MAGI2: variants seen among roughly 807,000 people sequenced by gnomAD.
The protein encoded by MAGI2 is membrane-associated guanylate kinase, WW and PDZ domain-containing protein 2.
In MAGI2, 35 loss-of-function variants were observed where a neutral mutation model predicts 133.3. That is an observed-to-expected ratio of 0.26 (90% CI 0.20 to 0.35). MAGI2 has a LOEUF of 0.35. Among genes scored for constraint, MAGI2 ranks in the 10% least tolerant of loss-of-function variants. The pLI is 1.00. For synonymous variants in MAGI2, 729 were observed against 710.6 expected (o/e 1.03, Z -0.41); for missense variants, 1,636 against 1,863.4 (o/e 0.88, Z 2.25).
intron 21 of MAGI2, among the ~76,000 whole-genome samples, chr7:78,056,871 C>G (rs1474158980): frequency 6.6e-6 from 1 of 152,074 alleles, no homozygotes; most frequent in Non-Finnish European, 1.5e-5. Flanking sequence ...CACACACTGA[C>G]ACACACACAT....
intron 1 of MAGI2, among the ~76,000 whole-genome samples, chr7:79,142,726 C>T (rs1459031469): frequency 2.0e-5 from 3 of 152,220 alleles, no homozygotes; most frequent in African/African-American, 7.2e-5. Context: ...GCCTGACACT[C>T]TACCGTTAAG....
At chr7:78,768,935 A>G (rs1825302092) in intron 2 of MAGI2, among the ~76,000 whole-genome samples, 1 of 152,040 alleles carries the variant, frequency 6.6e-6, no homozygotes, top group East Asian at 1.9e-4. Context: ...CACACCCCCA[A>G]ACAACACATG....
intron 9 of MAGI2, among the ~76,000 whole-genome samples, chr7:78,339,369 T>C: frequency 6.6e-6 from 1 of 151,778 alleles, no homozygotes; most frequent in South Asian, 2.1e-4. Context: ...TTTGACTTTG[T>C]GGTTGAATAA....
At chr7:79,098,706 C>T (rs572470627) in intron 1 of MAGI2, among the ~76,000 whole-genome samples, 157 of 152,294 alleles carry the variant, frequency 1.0e-3, no homozygotes, top group African/African-American at 2.3e-3. Flanking sequence ...AGTCAAAAAA[C>T]ATCTAAGCAA....
chr7:78,034,725 A>G (rs1809991128), intron 21 of MAGI2, among the ~76,000 whole-genome samples: 1 of 152,058 alleles, frequency 6.6e-6, no homozygotes, highest in South Asian at 2.1e-4. Flanking sequence ...ACAGGGTTTC[A>G]CCATGTTGGC....
At chr7:79,236,766 C>T (rs933899522) in intron 1 of MAGI2, among the ~76,000 whole-genome samples, 3 of 152,210 alleles carry the variant, frequency 2.0e-5, no homozygotes, top group Non-Finnish European at 4.4e-5. Context: ...ACACTTAAAA[C>T]TTATTGCTAA....
At chr7:78,299,458 TTAAAG>T (rs1386054823) in intron 9 of MAGI2, among the ~76,000 whole-genome samples, 1 of 134,360 alleles carries the variant, frequency 7.4e-6, no homozygotes, top group East Asian at 1.9e-4. Context: ...AAAGCTTAGT[TTAAAG>T]TAGATACAAA....
intron 6 of MAGI2, among the ~76,000 whole-genome samples, chr7:78,399,483 G>T (rs1184241071): frequency 6.6e-6 from 1 of 152,156 alleles, no homozygotes; most frequent in African/African-American, 2.4e-5. Context: ...ATCAGTCGAG[G>T]TAATGGGAGC....
chr7:78,567,393 T>TACACAC (rs34795351), intron 3 of MAGI2, among the ~76,000 whole-genome samples: 107 of 148,242 alleles, frequency 7.2e-4, no homozygotes, highest in East Asian at 9.9e-4. Context: ...GCCTACACAC[T>TACACAC]ACACACACAC....
chr7:79,280,926 G>GAAAAAAAA (rs71095390), intron 1 of MAGI2, among the ~76,000 whole-genome samples: 7 of 35,788 alleles, frequency 2.0e-4, no homozygotes, highest in Admixed American at 1.1e-3. Flanking sequence ...CTCTGTCTCT[G>GAAAAAAAA]AAAAAAAAAA....
At chr7:78,668,178 G>A (rs1359411995) in intron 2 of MAGI2, among the ~76,000 whole-genome samples, 1 of 152,112 alleles carries the variant, frequency 6.6e-6, no homozygotes, top group African/African-American at 2.4e-5. Context: ...TTTTTTGGCT[G>A]CATAAATGTC....
Position 79,351,371 on chromosome 7 carries a change from A to G in MAGI2, c.301+101649T>C, listed in dbSNP as rs1841680504. The stretch of plus-strand genomic sequence containing the variant: ...CTTTAATGACTTATAGTTAAGTAAA[A>G]CAAGACACTACAGAACTGTACCAAC... On this transcript the variant is annotated intron_variant, in intron 1 of 21. Transcript: ENST00000354212. 2.6e-5 allele frequency among the ~76,000 whole-genome samples: 4 copies of G among 152,200 alleles called. No homozygotes were observed. In the South Asian group the frequency reaches 8.3e-4, roughly 31 times the overall value.
In MAGI2 at chr7:78,552,108, G is replaced by A. The variant is rs189932628; in HGVS notation, c.539-30463C>T. On this transcript the variant is annotated intron_variant, in intron 3 of 21. Transcript: ENST00000354212. ...TTTCAGCAATCTTATTGGGCAATTC[G>A]ACTTGAAGAAAAACAAACATAAGGT... Among the ~76,000 whole-genome samples, 32 of 150,266 alleles carry A rather than the reference G, an allele frequency of 2.1e-4. No homozygotes were observed. In the South Asian group the frequency reaches 4.0e-3, roughly 19 times the overall value.
chr7:78,104,507 C>A (rs181560306), intron 20 of MAGI2, among the ~76,000 whole-genome samples: 425 of 151,940 alleles, frequency 2.8e-3, no homozygotes, highest in Middle Eastern at 0.01. Context: ...CAGGCATGAG[C>A]CACCGCGCCC....
chr7:78,424,767 A>G (rs893798695), intron 6 of MAGI2, among the ~76,000 whole-genome samples: 1 of 152,200 alleles, frequency 6.6e-6, no homozygotes, highest in Non-Finnish European at 1.5e-5. Flanking sequence ...TTGGACTTGC[A>G]TGGGGTCTGT....
chr7:78,113,173 T>A (rs1228667758), intron 20 of MAGI2, among the ~76,000 whole-genome samples: 1 of 130,728 alleles, frequency 7.6e-6, no homozygotes, highest in Non-Finnish European at 1.8e-5. Flanking sequence ...GGACTGGGGA[T>A]AGAACACGCA....
chr7:78,907,241 G>A (rs1424829581), intron 2 of MAGI2, among the ~76,000 whole-genome samples: 1 of 152,100 alleles, frequency 6.6e-6, no homozygotes, highest in Non-Finnish European at 1.5e-5. Flanking sequence ...GGTGCAAGGG[G>A]TCCCTTTGTT....
chr7:79,378,924 GTGTATATATATATATA>G (rs1286334870), intron 1 of MAGI2, among the ~76,000 whole-genome samples: 2,441 of 48,204 alleles, frequency 0.051, 104 homozygotes, highest in Non-Finnish European at 0.063. Flanking sequence ...ATATGTGTGT[GTGTATATATATATATA>G]TATATATATA....
At chr7:79,189,312 CAAAAA>C (rs34814587) in intron 1 of MAGI2, among the ~76,000 whole-genome samples, 1 of 74,312 alleles carries the variant, frequency 1.3e-5, no homozygotes, top group Non-Finnish European at 3.0e-5. Context: ...TTTTTATAGG[CAAAAA>C]AAAAAAAAAA....
Sources: allele counts gnomAD v4.1 joint callset (sites outside exome capture counted in the v4.1 genomes callset), GRCh38; gene constraint gnomAD v4.1.1; transcripts MANE v1.5; gene names NCBI Gene and HGNC (gene_info 2026-07-23, HGNC 2026-07-21).